ARHGAP18: variants seen among roughly 807,000 people sequenced by gnomAD.
ARHGAP18 encodes the protein Rho GTPase activating protein 18.
A neutral mutation model predicts 86.2 loss-of-function variants in ARHGAP18; 67 were observed. That is an observed-to-expected ratio of 0.78 (90% CI 0.64 to 0.95). The LOEUF (loss-of-function observed/expected upper bound fraction) is 0.95. Among genes scored for constraint, ARHGAP18 ranks in the 40% least tolerant of loss-of-function variants. The pLI is 0.00. For missense variants in ARHGAP18, 691 were observed against 780.4 expected, an observed-to-expected ratio of 0.89 and a Z score of 1.37; for synonymous variants, 283 against 280.4, an observed-to-expected ratio of 1.01 and a Z score of -0.09.
At chr6:129,653,821 A>C (rs1773767607) in intron 1 of ARHGAP18, among the ~76,000 whole-genome samples, 1 of 136,880 alleles carries the variant, frequency 7.3e-6, no homozygotes, top group African/African-American at 2.8e-5. Context: ...TTAACATTTG[A>C]AGAAAAAAAA....
intron 1 of ARHGAP18, among the ~76,000 whole-genome samples, chr6:129,673,592 A>C (rs1305714853): frequency 1.3e-5 from 2 of 152,322 alleles, no homozygotes; most frequent in Middle Eastern, 3.4e-3. Context: ...TCAGATCTCA[A>C]CTATTTATAT....
At position 129,599,204 on chromosome 6, in the gene ARHGAP18, C is replaced by A; in HGVS notation, c.1713+12G>T. 6.6e-7 allele frequency: 1 copy of A among 1,523,636 alleles called. No individual in the cohort carries two copies. Among genetic ancestry groups the A allele is most frequent in the Non-Finnish European group, 8.8e-7 (1 of 1,142,762 alleles). 94.4% of individuals were successfully genotyped at this position (1,523,636 alleles called of 1,614,324 possible). ...AGATCTGAATAAATACATATCTCCA[C>A]TATTTTCTTACATCATTTGTACTCT... On this transcript the variant is annotated intron_variant, in intron 12 of 14. Coordinates refer to ENST00000368149, the MANE Select transcript of ARHGAP18 (RefSeq NM_033515.3).
intron 13 of ARHGAP18, among the ~76,000 whole-genome samples, chr6:129,580,747 T>C (rs1462626904): frequency 6.6e-6 from 1 of 151,952 alleles, no homozygotes; most frequent in Admixed American, 6.6e-5. Context: ...TGGTGGTGAG[T>C]GTCTGTGATC....
At chr6:129,677,608 T>C (rs1774258936) in intron 1 of ARHGAP18, among the ~76,000 whole-genome samples, 2 of 152,238 alleles carry the variant, frequency 1.3e-5, no homozygotes. Context: ...TGGTTATATT[T>C]GTGTGTGCTA....
rs1325105704 is a variant in ARHGAP18 at position 129,599,307 on chromosome 6, T to A, written c.1622A>T (p.His541Leu). ...NQVRKQNTEN[H>L]KKDKRAMKKL... ...CTTCATGGCTCTTTTATCCTTTTTA[T>A]GATTTTCCGTGTTTTGCTTCCTCAC... The change falls in exon 12 of 15, where the codon CAT becomes CTT. Residue 541 changes from histidine (H) to leucine (L), a missense_variant. By Grantham distance (99) the His-to-Leu change is moderately conservative (BLOSUM62 -3). Transcript: ENST00000368149. The A allele has an allele frequency of 3.8e-6, 6 of 1,593,944 alleles. No homozygotes were observed. The highest frequency in any genetic ancestry group is 5.1e-6 in the Non-Finnish European group (6 of 1,172,630).
intron 3 of ARHGAP18, 59 bp from the exon 4 acceptor site, chr6:129,634,164 C>T (rs2114492435): frequency 1.4e-6 from 2 of 1,463,684 alleles, no homozygotes; most frequent in Non-Finnish European, 1.9e-6. Context: ...GAAAATGGTA[C>T]TGTAAATAAT....
At chr6:129,660,261 G>A (rs370293143) in intron 1 of ARHGAP18, among the ~76,000 whole-genome samples, 2 of 152,208 alleles carry the variant, frequency 1.3e-5, no homozygotes, top group East Asian at 1.9e-4. Flanking sequence ...ACAGCCTGGG[G>A]CCAAGATGCT....
intron 1 of ARHGAP18, among the ~76,000 whole-genome samples, chr6:129,709,751 G>T (rs530399842): frequency 1.3e-5 from 2 of 152,360 alleles, no homozygotes; most frequent in African/African-American, 4.8e-5. Context: ...ATGTGCAAAT[G>T]CACCTGCTAA....
intron 1 of ARHGAP18, among the ~76,000 whole-genome samples, chr6:129,658,942 G>A (rs1203737775): frequency 6.6e-6 from 1 of 152,124 alleles, no homozygotes; most frequent in Non-Finnish European, 1.5e-5. Context: ...CTGGCCAATA[G>A]AAATAAAAGG....
At chr6:129,649,885 T>A (rs567442002) in intron 1 of ARHGAP18, among the ~76,000 whole-genome samples, 2 of 151,574 alleles carry the variant, frequency 1.3e-5, no homozygotes, top group South Asian at 4.2e-4. Flanking sequence ...TCGTTGCGGC[T>A]TTCACTCTAC....
chr6:129,694,804 T>C (rs1774586256), intron 1 of ARHGAP18, among the ~76,000 whole-genome samples: 1 of 152,212 alleles, frequency 6.6e-6, no homozygotes, highest in South Asian at 2.1e-4. Context: ...ATTTTCTCTA[T>C]AGAAGATATT....
At chr6:129,680,214 GACAATCATACCTAC>G (rs1388920348) in intron 1 of ARHGAP18, among the ~76,000 whole-genome samples, 1 of 152,000 alleles carries the variant, frequency 6.6e-6, no homozygotes, top group Non-Finnish European at 1.5e-5. Flanking sequence ...GCCACTATCA[GACAATCATACCTAC>G]ACAGAAAGCC....
At position 129,710,163 on chromosome 6, in the gene ARHGAP18, G is replaced by A. The variant is rs751204070; in HGVS notation, c.-27C>T. 1.9e-6 allele frequency: 3 copies of A among 1,553,340 alleles called. No individual in the cohort carries two copies. The highest frequency in any genetic ancestry group is 2.7e-6 in the Non-Finnish European group (3 of 1,126,914). Reference sequence around the variant, plus strand: ...GTGAGAGAAGGGACATACTTTCTGCGATCCTGACACAGAGAAGGGGAAAGA... The same window carrying A: ...GTGAGAGAAGGGACATACTTTCTGCAATCCTGACACAGAGAAGGGGAAAGA... On this transcript the variant is annotated 5_prime_UTR_variant, in exon 1 of 15. Coordinates refer to ENST00000368149, the MANE Select transcript of ARHGAP18 (RefSeq NM_033515.3).
At chr6:129,588,580 G>A (rs1422040655) in intron 12 of ARHGAP18, among the ~76,000 whole-genome samples, 1 of 152,218 alleles carries the variant, frequency 6.6e-6, no homozygotes, top group South Asian at 2.1e-4. Flanking sequence ...GATGTTGAGT[G>A]TCTGCAGCCT....
chr6:129,655,299 A>G (rs1200147534), intron 1 of ARHGAP18, among the ~76,000 whole-genome samples: 1 of 138,792 alleles, frequency 7.2e-6, no homozygotes, highest in Non-Finnish European at 1.5e-5. Flanking sequence ...AGCCTGGGTG[A>G]CAAGAGCAAA....
chr6:129,603,909 G>A (rs1274991381), intron 10 of ARHGAP18, among the ~76,000 whole-genome samples: 1 of 152,190 alleles, frequency 6.6e-6, no homozygotes, highest in East Asian at 1.9e-4. Context: ...AAACAACCAT[G>A]CACATGATTC....
At chr6:129,689,031 C>T (rs139827788) in intron 1 of ARHGAP18, among the ~76,000 whole-genome samples, 2 of 152,090 alleles carry the variant, frequency 1.3e-5, no homozygotes, top group East Asian at 1.9e-4. Flanking sequence ...GCATGCAAAA[C>T]GTATGTGCTA....
chr6:129,698,093 C>T (rs1774649201), intron 1 of ARHGAP18, among the ~76,000 whole-genome samples: 2 of 152,076 alleles, frequency 1.3e-5, no homozygotes, highest in African/African-American at 2.4e-5. Context: ...AAAGAAAGAA[C>T]CATGCAAGAC....
intron 1 of ARHGAP18, among the ~76,000 whole-genome samples, chr6:129,684,810 C>T (rs149291817): frequency 6.6e-6 from 1 of 152,300 alleles, no homozygotes; most frequent in African/African-American, 2.4e-5. Context: ...AAATAAATTA[C>T]TTAACCCGAA....
Sources: allele counts gnomAD v4.1 joint callset (sites outside exome capture counted in the v4.1 genomes callset), GRCh38; gene constraint gnomAD v4.1.1; transcripts MANE v1.5; gene names NCBI Gene and HGNC (gene_info 2026-07-23, HGNC 2026-07-21).